The following CCDC148 variants were observed in gnomAD, a reference collection of about 807,000 sequenced individuals.
The protein encoded by CCDC148 is coiled-coil domain-containing protein 148.
In CCDC148, 89 loss-of-function variants were observed where a neutral mutation model predicts 85.7. The observed-to-expected ratio is 1.04, with a 90% CI of 0.87 to 1.24. The LOEUF is 1.24. Among genes scored for constraint, CCDC148 ranks in the 50% most tolerant of loss-of-function variants. CCDC148 has a pLI of 0.00. For missense variants in CCDC148, 692 were observed against 671.7 expected (o/e 1.03, Z -0.33); for synonymous variants, 230 against 213.9 (o/e 1.08, Z -0.66).
chr2:158,425,898 T>C (rs1687054840), intron 1 of CCDC148, among the ~76,000 whole-genome samples: 1 of 152,198 alleles, frequency 6.6e-6, no homozygotes, highest in African/African-American at 2.4e-5. Flanking sequence ...TAGTAGACCA[T>C]GTGTCCTCTG....
chr2:158,235,040 T>C (rs1352376390), intron 10 of CCDC148, among the ~76,000 whole-genome samples: 1 of 152,152 alleles, frequency 6.6e-6, no homozygotes, highest in Non-Finnish European at 1.5e-5. Flanking sequence ...GCTTAATACC[T>C]GGGTGATACA....
intron 11 of CCDC148, among the ~76,000 whole-genome samples, chr2:158,214,121 T>TAA (rs70990697): frequency 4.1e-5 from 4 of 96,630 alleles, no homozygotes; most frequent in Non-Finnish European, 4.0e-5. Context: ...AACATTGTGG[T>TAA]AAAAAAAAAA....
intron 2 of CCDC148, among the ~76,000 whole-genome samples, chr2:158,349,849 A>C (rs1051379283): frequency 2.6e-5 from 4 of 152,162 alleles, no homozygotes; most frequent in African/African-American, 4.8e-5. Context: ...AATTCAAAAC[A>C]ACAGACATTC....
intron 1 of CCDC148, among the ~76,000 whole-genome samples, chr2:158,445,887 C>T (rs1688137275): frequency 6.6e-6 from 1 of 152,070 alleles, no homozygotes; most frequent in African/African-American, 2.4e-5. Flanking sequence ...GACTATGCTT[C>T]ACTACTTGAA....
At chr2:158,440,403 C>A (rs922843305) in intron 1 of CCDC148, among the ~76,000 whole-genome samples, 2 of 151,992 alleles carry the variant, frequency 1.3e-5, no homozygotes, top group African/African-American at 4.8e-5. Flanking sequence ...TCATAATAAC[C>A]AAAAACTGAA....
chr2:158,433,278 A>ATATATATATATAT (rs1193160417), intron 1 of CCDC148, among the ~76,000 whole-genome samples: 1 of 127,694 alleles, frequency 7.8e-6, no homozygotes, highest in Non-Finnish European at 1.8e-5. Context: ...ATATATATAT[A>ATATATATATATAT]AAACAAAAGC....
In CCDC148 at chr2:158,210,324, G is replaced by A. The variant is rs62175429; in HGVS notation, c.1370+10271C>T. Among the ~76,000 whole-genome samples the A allele has an allele frequency of 5.9e-5, 9 of 152,246 alleles. No individual in the cohort carries two copies. In the South Asian group the frequency reaches 1.5e-3, roughly 25 times the overall value. ...CAGATTCATAAAGCAAGTTCTTAGA[G>A]ATCTACAAAGAGACTTAGACTCCCA... On this transcript the variant is annotated intron_variant, in intron 11 of 13. Transcript: ENST00000283233.
At chr2:158,374,401 G>GT (rs796121731) in intron 1 of CCDC148, among the ~76,000 whole-genome samples, 24 of 152,072 alleles carry the variant, frequency 1.6e-4, no homozygotes, top group African/African-American at 5.8e-4. Flanking sequence ...AAATAATGTA[G>GT]TTTTACCTCC....
At chr2:158,450,384 G>A (rs1231209965) in intron 1 of CCDC148, among the ~76,000 whole-genome samples, 6 of 152,332 alleles carry the variant, frequency 3.9e-5, no homozygotes, top group South Asian at 2.1e-4. Flanking sequence ...TTAGCACTGA[G>A]TAAAGAGCTG....
chr2:158,330,144 T>A (rs900229930), intron 7 of CCDC148, among the ~76,000 whole-genome samples: 4 of 152,178 alleles, frequency 2.6e-5, no homozygotes, highest in African/African-American at 9.7e-5. Flanking sequence ...GGCTGTGGGT[T>A]TGTCATAGAT....
At position 158,260,979 on chromosome 2, in the gene CCDC148, T is replaced by C. The variant is rs114360694; in HGVS notation, c.1111-10067A>G. On this transcript the variant is annotated intron_variant, in intron 9 of 13. Transcript: ENST00000283233. ...AGATGCCATCTCATTCCTATCAAAC[T>C]ACCAATGATATGCTTCACAGAACTA... Among the ~76,000 whole-genome samples the C allele has an allele frequency of 4.4e-3, 664 of 151,012 alleles. 6 individuals carry two copies. Among genetic ancestry groups the C allele is most frequent in the South Asian group, 0.021 (100 of 4,732 alleles).
intron 1 of CCDC148, among the ~76,000 whole-genome samples, chr2:158,377,079 T>C (rs1233403039): frequency 6.6e-6 from 1 of 152,028 alleles, no homozygotes; most frequent in Non-Finnish European, 1.5e-5. Context: ...AGGGGACGAT[T>C]CTCCACTATC....
At chr2:158,337,690 C>A (rs1325598168) in intron 7 of CCDC148, among the ~76,000 whole-genome samples, 1 of 152,006 alleles carries the variant, frequency 6.6e-6, no homozygotes, top group Non-Finnish European at 1.5e-5. Flanking sequence ...AAAAGGGGTC[C>A]AACTTCAGGT....
At chr2:158,325,710 C>T (rs1292632814) in intron 7 of CCDC148, among the ~76,000 whole-genome samples, 3 of 152,164 alleles carry the variant, frequency 2.0e-5, no homozygotes, top group South Asian at 2.1e-4. Flanking sequence ...CCAAAGCTTG[C>T]TTCACATACG....
rs146824106 is a variant in CCDC148 at position 158,330,450 on chromosome 2, G to A, written c.764+8276C>T. On this transcript the variant is annotated intron_variant, in intron 7 of 13. Transcript: ENST00000283233. ...GATTTTTGCATCAATGTTTATCAGC[G>A]ATATTGGTCTAAAATTTTCTTTTTT... Among the ~76,000 whole-genome samples, 1,130 of 152,240 alleles carry A rather than the reference G, an allele frequency of 7.4e-3. 20 individuals are homozygous for A. The highest frequency in any genetic ancestry group is 0.026 in the African/African-American group (1,077 of 41,534).
chr2:158,225,343 C>A (rs1466956368), intron 10 of CCDC148, among the ~76,000 whole-genome samples: 2 of 152,120 alleles, frequency 1.3e-5, no homozygotes, highest in African/African-American at 2.4e-5. Context: ...TAGACTCCCA[C>A]ACAATAATAA....
intron 1 of CCDC148, among the ~76,000 whole-genome samples, chr2:158,389,051 G>A (rs1685200112): frequency 6.6e-6 from 1 of 152,130 alleles, no homozygotes; most frequent in African/African-American, 2.4e-5. Flanking sequence ...TGGCACTAAT[G>A]TCATAAATCC....
chr2:158,339,433 T>C (rs1682557316), intron 5 of CCDC148, among the ~76,000 whole-genome samples: 2 of 152,214 alleles, frequency 1.3e-5, no homozygotes, highest in South Asian at 2.1e-4. Flanking sequence ...CACCTGGGCA[T>C]ACATTTATAT....
chr2:158,361,754 AAAC>A (rs1172426785), intron 1 of CCDC148, among the ~76,000 whole-genome samples: 2 of 152,332 alleles, frequency 1.3e-5, no homozygotes, highest in African/African-American at 4.8e-5. Context: ...CACTACGAAG[AAAC>A]AACAACAGAC....
Sources: gnomAD v4.1 joint callset for allele counts (sites outside exome capture counted in the v4.1 genomes callset) on GRCh38, gnomAD v4.1.1 for gene constraint, MANE v1.5 for transcripts, NCBI Gene and HGNC (gene_info 2026-07-23, HGNC 2026-07-21) for gene names.